Variants in RBFOX1 observed in about 807,000 individuals in gnomAD.
RBFOX1 encodes the protein RNA binding fox-1 homolog 1.
Under a neutral mutation model 57.7 loss-of-function variants are expected in RBFOX1, and 8 were observed. The observed-to-expected ratio is 0.14, with a 90% CI of 0.08 to 0.25. The LOEUF is 0.25. Among genes scored for constraint, RBFOX1 ranks in the 10% least tolerant of loss-of-function variants. RBFOX1 has a pLI of 1.00. For synonymous variants in RBFOX1, 326 were observed against 222.4 expected, an observed-to-expected ratio of 1.47 and a Z score of -4.15; for missense variants, 611 against 548.5, an observed-to-expected ratio of 1.11 and a Z score of -1.14.
chr16:5,890,815 G>A (rs557038451), intron 4 of RBFOX1, among the ~76,000 whole-genome samples: 1 of 152,038 alleles, frequency 6.6e-6, no homozygotes, highest in Non-Finnish European at 1.5e-5. Flanking sequence ...GACTAAGAGG[G>A]TTAAATGGAA....
chr16:5,915,665 C>G (rs758832321), intron 4 of RBFOX1, among the ~76,000 whole-genome samples: 8 of 152,008 alleles, frequency 5.3e-5, no homozygotes, highest in Non-Finnish European at 1.0e-4. Flanking sequence ...AACCCTGTCT[C>G]TACTAAAAAT....
chr16:6,613,011 G>A (rs2098087702), intron 2 of RBFOX1, among the ~76,000 whole-genome samples: 2 of 53,908 alleles, frequency 3.7e-5, no homozygotes, highest in Non-Finnish European at 8.0e-5. Context: ...GCATGTGTGT[G>A]TGTGTGTGTG....
chr16:6,601,816 C>A (rs2097856753), intron 2 of RBFOX1, among the ~76,000 whole-genome samples: 1 of 152,082 alleles, frequency 6.6e-6, no homozygotes, highest in African/African-American at 2.4e-5. Context: ...CTAGTGCTGC[C>A]CGCATGGAAT....
intron 4 of RBFOX1, among the ~76,000 whole-genome samples, chr16:7,316,963 A>AACACACAAACAC (rs1555702388): frequency 1.4e-5 from 2 of 146,886 alleles, no homozygotes; most frequent in African/African-American, 5.1e-5. Flanking sequence ...AAGAAGACAG[A>AACACACAAACAC]ACACACACAC....
At chr16:5,836,061 C>A (rs1458033147) in intron 3 of RBFOX1, among the ~76,000 whole-genome samples, 1 of 152,174 alleles carries the variant, frequency 6.6e-6, no homozygotes, top group Non-Finnish European at 1.5e-5. Context: ...GAGTGTGAGG[C>A]AATTTAGCAA....
chr16:6,901,343 G>T (rs2068438294), intron 3 of RBFOX1, among the ~76,000 whole-genome samples: 1 of 152,158 alleles, frequency 6.6e-6, no homozygotes, highest in African/African-American at 2.4e-5. Flanking sequence ...TTTCAACCTG[G>T]AAATGTCCCA....
chr16:7,444,397 G>C (rs1387358532), intron 4 of RBFOX1, among the ~76,000 whole-genome samples: 5 of 152,158 alleles, frequency 3.3e-5, no homozygotes, highest in African/African-American at 1.2e-4. Context: ...TTCAATGAGG[G>C]ATGTCAATGG....
intron 2 of RBFOX1, among the ~76,000 whole-genome samples, chr16:5,582,572 T>TTTTTTTTTTTTTTTTTTTTTTG (rs369563835): frequency 9.4e-6 from 1 of 106,058 alleles, no homozygotes. Context: ...TTTTTTTTTT[T>TTTTTTTTTTTTTTTTTTTTTTG]AAACGGAGTC....
intron 3 of RBFOX1, among the ~76,000 whole-genome samples, chr16:6,795,923 C>T (rs944294746): frequency 1.3e-5 from 2 of 152,140 alleles, no homozygotes. Context: ...GTTTACCTGT[C>T]AGTGAATCCA....
intron 1 of RBFOX1, among the ~76,000 whole-genome samples, chr16:6,218,556 C>A (rs888906851): frequency 6.6e-5 from 10 of 152,106 alleles, no homozygotes; most frequent in Non-Finnish European, 1.2e-4. Context: ...GTGATCCTCC[C>A]ACCTCGGCCT....
In RBFOX1 at chr16:5,877,589, A is replaced by G. The variant is rs570304250; in HGVS notation, c.351+10254A>G. 2.0e-5 allele frequency among the ~76,000 whole-genome samples: 3 copies of G among 152,350 alleles called. No homozygotes were observed. In the East Asian group the frequency reaches 5.8e-4, roughly 30 times the overall value. On this transcript the variant is annotated intron_variant, in intron 4 of 19. Coordinates refer to the RBFOX1 transcript ENST00000641259. ...CTTGGCTTTGCCCAGGAAATAATTCAAGGGTAAGCAGTGGTGTTAAACAGC... is the reference window on the plus strand; with the variant it reads ...CTTGGCTTTGCCCAGGAAATAATTCGAGGGTAAGCAGTGGTGTTAAACAGC...
upstream of RBFOX1, among the ~76,000 whole-genome samples, chr16:6,016,436 G>C (rs1228706369): frequency 6.6e-6 from 1 of 152,206 alleles, no homozygotes; most frequent in Non-Finnish European, 1.5e-5. Context: ...CTGGGTCACA[G>C]AGTGAACTTA....
intron 4 of RBFOX1, among the ~76,000 whole-genome samples, chr16:5,957,367 A>C (rs2059664183): frequency 6.6e-6 from 1 of 152,116 alleles, no homozygotes; most frequent in Admixed American, 6.5e-5. Context: ...GGCATGTGCC[A>C]CCATGCCCAG....
intron 3 of RBFOX1, among the ~76,000 whole-genome samples, chr16:5,825,093 A>C (rs895281074): frequency 6.6e-6 from 1 of 152,248 alleles, no homozygotes; most frequent in Non-Finnish European, 1.5e-5. Context: ...CAACACAGGA[A>C]GGAATTGGAG....
At chr16:5,424,935 CT>C (rs2067487116) in intron 1 of RBFOX1, among the ~76,000 whole-genome samples, 1 of 63,932 alleles carries the variant, frequency 1.6e-5, no homozygotes, top group Non-Finnish European at 3.2e-5. Context: ...TTCTTTCTTT[CT>C]CTCTCTTCTT....
In RBFOX1 at chr16:5,548,174, A is replaced by AATATAT. The variant is rs71142629; in HGVS notation, c.259-50702_259-50697dup. Reference sequence around the variant, plus strand: ...AGACTCTGTTAAAAAAAAAAAAAAAAATATATATATATATATATATATATA... The same window carrying AATATAT: ...AGACTCTGTTAAAAAAAAAAAAAAAAATATATATATATATATATATATATATATATA... On this transcript the variant is annotated intron_variant, in intron 2 of 2. Coordinates refer to the RBFOX1 transcript ENST00000585867. Among the ~76,000 whole-genome samples the AATATAT allele has an allele frequency of 5.6e-3, 188 of 33,538 alleles. 4 individuals carry two copies. The highest frequency in any genetic ancestry group is 0.01 in the Admixed American group (20 of 1,996). 22.0% of individuals were successfully genotyped at this position (33,538 alleles called of 152,430 possible).
At chr16:5,886,761 G>A (rs1394496444) in intron 4 of RBFOX1, among the ~76,000 whole-genome samples, 1 of 152,186 alleles carries the variant, frequency 6.6e-6, no homozygotes, top group Non-Finnish European at 1.5e-5. Flanking sequence ...AGTGGCAGAT[G>A]CCTGTAATCC....
chr16:5,253,907 A>G (rs2062519294), intron 1 of RBFOX1, among the ~76,000 whole-genome samples: 1 of 152,142 alleles, frequency 6.6e-6, no homozygotes, highest in African/African-American at 2.4e-5. Flanking sequence ...CTACATCCTC[A>G]GGGAAGCCTG....
chr16:6,655,916 A>G (rs1330450548), intron 3 of RBFOX1, among the ~76,000 whole-genome samples: 2 of 152,220 alleles, frequency 1.3e-5, no homozygotes, highest in African/African-American at 4.8e-5. Context: ...GCTTTTAAAT[A>G]AAAAGCAGTT....
Sources: allele counts gnomAD v4.1 joint callset (sites outside exome capture counted in the v4.1 genomes callset), GRCh38; gene constraint gnomAD v4.1.1; transcripts MANE v1.5; gene names NCBI Gene and HGNC (gene_info 2026-07-23, HGNC 2026-07-21).